The following GRM7 variants were observed in gnomAD, a reference collection of about 807,000 sequenced individuals.
The protein encoded by GRM7 is metabotropic glutamate receptor 7.
A neutral mutation model predicts 84.5 loss-of-function variants in GRM7; 35 were observed. That is an observed-to-expected ratio of 0.41 (90% CI 0.32 to 0.55). The LOEUF (loss-of-function observed/expected upper bound fraction) is 0.55. GRM7 is among the 20% of genes least tolerant of loss of function. The pLI, the probability that GRM7 is intolerant of heterozygous loss-of-function variation, is 0.19. For synonymous variants in GRM7, 487 were observed against 455.1 expected, an observed-to-expected ratio of 1.07 and a Z score of -0.89; for missense variants, 1,003 against 1,194.6, an observed-to-expected ratio of 0.84 and a Z score of 2.36.
At chr3:6,944,755 T>C (rs1350098657) in intron 1 of GRM7, among the ~76,000 whole-genome samples, 2 of 152,116 alleles carry the variant, frequency 1.3e-5, no homozygotes, top group Admixed American at 6.6e-5. Context: ...TTGATATTAT[T>C]TCTGTCTTAC....
At chr3:7,487,599 G>T (rs1484894712) in intron 7 of GRM7, among the ~76,000 whole-genome samples, 1 of 152,342 alleles carries the variant, frequency 6.6e-6, no homozygotes, top group Non-Finnish European at 1.5e-5. Context: ...TCAGGCCACT[G>T]CTCCAGAGGG....
chr3:7,483,111 T>C (rs1699194336), intron 7 of GRM7, among the ~76,000 whole-genome samples: 1 of 152,284 alleles, frequency 6.6e-6, no homozygotes, highest in South Asian at 2.1e-4. Context: ...ATTCACCCAA[T>C]GGATATTCAT....
chr3:7,373,137 C>A (rs1266948679), intron 4 of GRM7, among the ~76,000 whole-genome samples: 1 of 152,098 alleles, frequency 6.6e-6, no homozygotes, highest in Non-Finnish European at 1.5e-5. Flanking sequence ...CAAAGGAAAG[C>A]TACCACTATC....
intron 7 of GRM7, among the ~76,000 whole-genome samples, chr3:7,536,382 A>C (rs1233636507): frequency 6.6e-6 from 1 of 152,194 alleles, no homozygotes; most frequent in Non-Finnish European, 1.5e-5. Flanking sequence ...ACGAACAAAA[A>C]CTGGGGTATT....
intron 7 of GRM7, among the ~76,000 whole-genome samples, chr3:7,571,091 T>C (rs4358287): frequency 0.51 from 78,039 of 151,882 alleles, 21,092 homozygotes; most frequent in African/African-American, 0.68. Context: ...CTGTCCCTGG[T>C]CCATGAAACC....
At chr3:6,934,940 C>T (rs995958404) in intron 1 of GRM7, among the ~76,000 whole-genome samples, 5 of 152,196 alleles carry the variant, frequency 3.3e-5, no homozygotes, top group African/African-American at 1.2e-4. Context: ...AATCATCCCT[C>T]TTCAAGGTTC....
intron 7 of GRM7, among the ~76,000 whole-genome samples, chr3:7,532,624 G>A (rs1331531258): frequency 6.6e-6 from 1 of 151,642 alleles, no homozygotes; most frequent in Non-Finnish European, 1.5e-5. Context: ...ATCTCCTTCA[G>A]TTCTGCTCTG....
intron 7 of GRM7, among the ~76,000 whole-genome samples, chr3:7,505,426 C>G (rs1198899586): frequency 1.3e-5 from 2 of 152,240 alleles, no homozygotes; most frequent in African/African-American, 4.8e-5. Flanking sequence ...GCAGCTTTGA[C>G]TTCAATCCCA....
chr3:7,070,206 T>A (rs1697815482), intron 1 of GRM7, among the ~76,000 whole-genome samples: 1 of 152,142 alleles, frequency 6.6e-6, no homozygotes, highest in Non-Finnish European at 1.5e-5. Flanking sequence ...AATGTATAAT[T>A]ATCAGAATAA....
intron 9 of GRM7, among the ~76,000 whole-genome samples, chr3:7,708,886 A>G (rs1701487847): frequency 6.6e-6 from 1 of 151,538 alleles, no homozygotes; most frequent in Non-Finnish European, 1.5e-5. Flanking sequence ...TAAAAATAGA[A>G]ATATAGAATA....
chr3:7,115,477 A>G (rs1692999682), intron 1 of GRM7, among the ~76,000 whole-genome samples: 1 of 152,150 alleles, frequency 6.6e-6, no homozygotes, highest in African/African-American at 2.4e-5. Flanking sequence ...TGCTCCTGCC[A>G]ATGAGATAGA....
At position 7,618,530 on chromosome 3, in the gene GRM7, T is replaced by C. The variant is rs143942760; in HGVS notation, c.2451+39173T>C. Among the ~76,000 whole-genome samples the C allele has an allele frequency of 5.5e-3, 843 of 152,268 alleles. 7 individuals carry two copies. Among genetic ancestry groups the C allele is most frequent in the Non-Finnish European group, 8.0e-3 (543 of 68,004 alleles). On this transcript the variant is annotated intron_variant, in intron 8 of 9. Coordinates refer to ENST00000357716, the MANE Select transcript of GRM7 (RefSeq NM_000844.4). The stretch of plus-strand genomic sequence containing the variant: ...TGGGTTTTTTTAATTATTGTTATTA[T>C]TTGTGTTTAATGGTAGTTTATTTTC...
chr3:7,556,053 A>G (rs918168848), intron 7 of GRM7, among the ~76,000 whole-genome samples: 3 of 152,160 alleles, frequency 2.0e-5, no homozygotes, highest in Non-Finnish European at 4.4e-5. Flanking sequence ...AGTGGCTTAT[A>G]AACAACAGGC....
intron 9 of GRM7, among the ~76,000 whole-genome samples, chr3:7,718,128 C>T (rs4686152): frequency 0.4 from 61,078 of 151,980 alleles, 12,815 homozygotes; most frequent in East Asian, 0.74. Context: ...TCTCTTTTCC[C>T]ATCTGCAAAA....
intron 8 of GRM7, among the ~76,000 whole-genome samples, chr3:7,624,444 A>G (rs1033874197): frequency 2.6e-5 from 4 of 151,976 alleles, no homozygotes; most frequent in African/African-American, 9.7e-5. Context: ...TTAACTACGT[A>G]ATTATACATA....
rs577443518 is a variant in GRM7, at chr3:7,118,076, C to T, written c.520-28376C>T. Among the ~76,000 whole-genome samples the T allele has an allele frequency of 2.6e-5, 4 of 152,116 alleles. No homozygotes were observed. In the East Asian group the frequency reaches 7.7e-4, roughly 29 times the overall value. On this transcript the variant is annotated intron_variant, in intron 1 of 9. Coordinates refer to ENST00000357716, the MANE Select transcript of GRM7 (RefSeq NM_000844.4). ...CAAAGGGAAAGATAGTTTTCCTATG[C>T]ATAATTATTTATAAAAACCCAAAAG...
At chr3:7,568,831 C>T (rs775450102) in intron 7 of GRM7, among the ~76,000 whole-genome samples, 40 of 152,256 alleles carry the variant, frequency 2.6e-4, no homozygotes, top group Middle Eastern at 6.8e-3. Flanking sequence ...GCTGCCTCCC[C>T]GTGGGGAGGG....
chr3:7,577,651 A>G (rs1695030781), intron 7 of GRM7, among the ~76,000 whole-genome samples: 1 of 152,182 alleles, frequency 6.6e-6, no homozygotes, highest in Non-Finnish European at 1.5e-5. Flanking sequence ...AATTAAGCAA[A>G]TACATTCTTC....
intron 1 of GRM7, among the ~76,000 whole-genome samples, chr3:6,996,299 C>T (rs994399978): frequency 7.2e-5 from 11 of 152,192 alleles, no homozygotes; most frequent in Middle Eastern, 3.2e-3. Context: ...CCACCTGCTT[C>T]GGTCTCCCAA....
Sources: gnomAD v4.1 joint callset for allele counts (sites outside exome capture counted in the v4.1 genomes callset) on GRCh38, gnomAD v4.1.1 for gene constraint, MANE v1.5 for transcripts, NCBI Gene and HGNC (gene_info 2026-07-23, HGNC 2026-07-21) for gene names.